The following MON2 variants were observed in gnomAD, a reference collection of about 807,000 sequenced individuals.
MON2 encodes the protein protein MON2 homolog.
MON2 carries 84 observed loss-of-function variants against 208.6 expected under a neutral mutation model. The observed-to-expected ratio is 0.40, with a 90% CI of 0.34 to 0.48. MON2 has a LOEUF of 0.48. Ranked by LOEUF, MON2 falls within the 20% of genes least tolerant of loss-of-function variation. MON2 has a pLI of 0.59. For synonymous variants in MON2, 660 were observed against 694.0 expected (o/e 0.95, Z 0.77); for missense variants, 1,611 against 2,015.4 (o/e 0.80, Z 3.84).
At chr12:62,544,437 G>C (rs913085835) in intron 20 of MON2, among the ~76,000 whole-genome samples, 1 of 152,000 alleles carries the variant, frequency 6.6e-6, no homozygotes, top group African/African-American at 2.4e-5. Flanking sequence ...CAAAGTGAGA[G>C]ACTGTGTCTC....
intron 32 of MON2, among the ~76,000 whole-genome samples, chr12:62,585,065 GCACACACACACACACACACACACA>G (rs57834850): frequency 1.0e-4 from 10 of 98,798 alleles, no homozygotes; most frequent in African/African-American, 3.7e-4. Context: ...CTCTCTACAT[GCACACACACACACACACACACACA>G]CACACACACA....
chr12:62,574,987 A>G (rs2074724244), intron 30 of MON2, among the ~76,000 whole-genome samples: 1 of 151,968 alleles, frequency 6.6e-6, no homozygotes. Context: ...TTAGCCAGAT[A>G]TGGTGGCATG....
intron 11 of MON2, among the ~76,000 whole-genome samples, chr12:62,526,969 A>G (rs960452619): frequency 6.6e-6 from 1 of 152,086 alleles, no homozygotes; most frequent in African/African-American, 2.4e-5. Context: ...TCTACTAAAA[A>G]TACAAAAATT....
chr12:62,578,470 C>G lies in MON2; in HGVS notation c.4540C>G (p.Gln1514Glu). ...CATACCTCCAGATAATCTCTCTATT[C>G]AAGAGTTTCAAAGAAATGAAAATAT... is the stretch of plus-strand genomic sequence containing the variant. ...KSIPPDNLSI[Q>E]EFQRNENIDV... is the part of the protein sequence containing the mutation. Residue 1514 changes from glutamine (Q) to glutamate (E), a missense_variant, in exon 31 of 35, where the codon CAA (glutamine) becomes GAA (glutamate). Gln to Glu is a conservative substitution (Grantham distance 29). Transcript: ENST00000393630. 1.4e-6 allele frequency: 2 copies of G among 1,472,368 alleles called. No homozygotes were observed. The highest frequency in any genetic ancestry group is 1.9e-6 in the Non-Finnish European group (2 of 1,079,388). 91.2% of individuals were successfully genotyped at this position (1,472,368 alleles called of 1,614,324 possible).
At chr12:62,574,853 C>A (rs2074719087) in intron 30 of MON2, among the ~76,000 whole-genome samples, 1 of 152,094 alleles carries the variant, frequency 6.6e-6, no homozygotes. Context: ...AAAAAGAAGG[C>A]CAACCGGAGT....
At chr12:62,585,529 A>C in intron 33 of MON2, 28 bp downstream of exon 33, 1 of 1,498,748 alleles carries the variant, frequency 6.7e-7, no homozygotes. Context: ...TTAAAGAAAT[A>C]AATGTATTGT....
chr12:62,473,076 T>C (rs570459636), intron 1 of MON2, among the ~76,000 whole-genome samples: 111 of 152,380 alleles, frequency 7.3e-4, no homozygotes, highest in African/African-American at 2.6e-3. Flanking sequence ...GTTACTGTTA[T>C]AATTTAACAG....
chr12:62,571,394 T>A lies in MON2; in HGVS notation c.4326T>A (p.Thr1442=), dbSNP rs1359122584. 6 of 1,590,986 alleles carry A rather than the reference T, an allele frequency of 3.8e-6. No homozygotes were observed. The highest frequency in any genetic ancestry group is 4.3e-6 in the Non-Finnish European group (5 of 1,166,220). Residue 1442 remains threonine (T), a splice_region_variant and synonymous_variant, in exon 30 of 35, where the codon ACT becomes ACA. Transcript: ENST00000393630. ...NEKVLQNIIK[T]LRVPLSLKYS... ...TATTAAACTGTCTTTATTTTCAGACTCTTAGGGTTCCTCTCAGTTTGAAGT... is the reference window on the plus strand; with the variant it reads ...TATTAAACTGTCTTTATTTTCAGACACTTAGGGTTCCTCTCAGTTTGAAGT...
rs186297428 is a variant in MON2 at position 62,511,494 on chromosome 12, C to G, written c.984+3014C>G. 7.2e-5 allele frequency among the ~76,000 whole-genome samples: 11 copies of G among 152,210 alleles called. No homozygotes were observed. In the East Asian group the frequency reaches 2.1e-3, roughly 29 times the overall value. ...GTCAAGTGATCTTTGAAAAGGGTGC[C>G]AAGACCAGTCAGTGGAGAAAGGATA... is the stretch of plus-strand genomic sequence containing the variant. On this transcript the variant is annotated intron_variant, in intron 8 of 34. Transcript: ENST00000393630.
rs537649253 is a variant in MON2, at chr12:62,565,496, A to G, written c.4176+116A>G. ...AAAAGGATACTTTTCACTCACAAAT[A>G]TATTTATACATGTCTGTTAGCAGTT... On this transcript the variant is annotated intron_variant, in intron 27 of 34. Transcript: ENST00000393630. 45 of 875,900 alleles carry G rather than the reference A, an allele frequency of 5.1e-5. No individual in the cohort carries two copies. In the South Asian group the frequency reaches 7.7e-4, roughly 15 times the overall value. 54.3% of individuals were successfully genotyped at this position (875,900 alleles called of 1,614,324 possible).
chr12:62,520,125 A>G (rs879519555), intron 8 of MON2, among the ~76,000 whole-genome samples: 8 of 152,228 alleles, frequency 5.3e-5, no homozygotes, highest in Non-Finnish European at 1.2e-4. Context: ...ACACTTTCTT[A>G]CAGGTCTAGG....
In MON2 at chr12:62,467,327, C is replaced by A. The variant is rs377104830; in HGVS notation, c.111+9C>A. On this transcript the variant is annotated intron_variant, in intron 1 of 34. Coordinates refer to ENST00000393630, the MANE Select transcript of MON2 (RefSeq NM_015026.3). ...TCCCACCTGTCAAAGAGGTAAGCTT[C>A]AGGTGACGTCAGGAGAAGGCACTGT... is the stretch of plus-strand genomic sequence containing the variant. 1 of 1,607,950 alleles carries A rather than the reference C, an allele frequency of 6.2e-7. No homozygotes were observed. The highest frequency in any genetic ancestry group is 1.3e-5 in the African/African-American group (1 of 74,888).
chr12:62,583,507 C>T (rs2075079541), intron 32 of MON2, among the ~76,000 whole-genome samples: 1 of 151,594 alleles, frequency 6.6e-6, no homozygotes, highest in Admixed American at 6.6e-5. Flanking sequence ...AACTGAAGAA[C>T]AAAACTTCCA....
At chr12:62,570,796 G>A (rs769736269) in intron 29 of MON2, among the ~76,000 whole-genome samples, 23 of 118,888 alleles carry the variant, frequency 1.9e-4, no homozygotes, top group Non-Finnish European at 2.8e-4. Flanking sequence ...ACAGTGGTGT[G>A]ATCTCGGCTC....
At position 62,524,567 on chromosome 12, in the gene MON2, A is replaced by G. The variant is rs766865712; in HGVS notation, c.1037A>G (p.Asp346Gly). 33 of 1,613,514 alleles carry G rather than the reference A, an allele frequency of 2.0e-5. No homozygotes were observed. The South Asian group carries it at 3.0e-4, about 14-fold the overall frequency. ...CTTCTGGTGAAATTTCTGGATGCAGATAAACCACAGTGGCTACGAGCTGTT... is the reference window on the plus strand; with the variant it reads ...CTTCTGGTGAAATTTCTGGATGCAGGTAAACCACAGTGGCTACGAGCTGTT... ...LSLLVKFLDA[D>G]KPQWLRAVAV... Residue 346 changes from aspartate (D) to glycine (G), a missense_variant, in exon 9 of 35, where the codon GAT becomes GGT. Coordinates refer to ENST00000393630, the MANE Select transcript of MON2 (RefSeq NM_015026.3).
intron 30 of MON2, among the ~76,000 whole-genome samples, chr12:62,577,437 C>T (rs979060323): frequency 6.6e-6 from 1 of 151,998 alleles, no homozygotes; most frequent in Non-Finnish European, 1.5e-5. Flanking sequence ...ATCAAAGAAA[C>T]CACAGTCTGA....
intron 32 of MON2, among the ~76,000 whole-genome samples, chr12:62,581,527 C>T (rs10877880): frequency 0.38 from 57,848 of 151,914 alleles, 11,362 homozygotes; most frequent in African/African-American, 0.47. Flanking sequence ...TTTTAGAGTG[C>T]ACTCTGGGCA....
chr12:62,551,508 A>C lies in MON2; in HGVS notation c.2917-1373A>C, dbSNP rs372173518. 6.6e-5 allele frequency among the ~76,000 whole-genome samples: 10 copies of C among 152,348 alleles called. No homozygotes were observed. In the East Asian group the frequency reaches 7.7e-4, roughly 12 times the overall value. ...ATCACGGATCATAGATCACCATAAC[A>C]GACATAGTAATAATTAAAAAGTTTG... On this transcript the variant is annotated intron_variant, in intron 23 of 34. Coordinates refer to ENST00000393630, the MANE Select transcript of MON2 (RefSeq NM_015026.3).
intron 1 of MON2, 137 bp downstream of exon 1, chr12:62,467,455 C>T: frequency 2.9e-6 from 2 of 679,392 alleles, no homozygotes; most frequent in Non-Finnish European, 5.1e-6. Context: ...TGGGTTGTTC[C>T]ACAAGGGCTT....
Sources: allele counts gnomAD v4.1 joint callset (sites outside exome capture counted in the v4.1 genomes callset), GRCh38; gene constraint gnomAD v4.1.1; transcripts MANE v1.5; gene names NCBI Gene and HGNC (gene_info 2026-07-23, HGNC 2026-07-21).